XKR9: variants seen among roughly 807,000 people sequenced by gnomAD.
XKR9 encodes XK related 9, also known as XK-related protein 9.
A neutral mutation model predicts 32.0 loss-of-function variants in XKR9; 32 were observed. The observed-to-expected ratio is 1.00, with a 90% CI of 0.76 to 1.34. The LOEUF is 1.34. Ranked by LOEUF, XKR9 falls within the 40% of genes most tolerant of loss-of-function variation. The pLI is 0.00. For synonymous variants in XKR9, 168 were observed against 143.4 expected (o/e 1.17, Z -1.22); for missense variants, 546 against 429.7 (o/e 1.27, Z -2.39).
chr8:71,041,646 G>A, the XKR9 span, among the ~76,000 whole-genome samples: 2 of 152,156 alleles, frequency 1.3e-5, no homozygotes, highest in Non-Finnish European at 2.9e-5. Context: ...GATCATTTGA[G>A]TGGTTTCCTT....
chr8:70,732,578 A>G lies in XKR9; in HGVS notation c.494-1218A>G, dbSNP rs1013008866. ...CCCAGTGGGTTCACCTTGCTGCTGC[A>G]TGGACAGAATCAATTTATCATGATG... On this transcript the variant is annotated intron_variant, in intron 4 of 4. Coordinates refer to ENST00000408926, the MANE Select transcript of XKR9 (RefSeq NM_001011720.2). 3.9e-5 allele frequency among the ~76,000 whole-genome samples: 6 copies of G among 152,354 alleles called. No individual in the cohort carries two copies. In the South Asian group the frequency reaches 8.3e-4, roughly 21 times the overall value.
chr8:70,985,862 T>C, the XKR9 span, among the ~76,000 whole-genome samples: 3 of 152,230 alleles, frequency 2.0e-5, no homozygotes, highest in Admixed American at 2.0e-4. Flanking sequence ...ATGGAAGTAA[T>C]CTATAATTCT....
chr8:70,952,290 T>C, the XKR9 span, among the ~76,000 whole-genome samples: 2 of 152,214 alleles, frequency 1.3e-5, no homozygotes, highest in African/African-American at 4.8e-5. Context: ...CTCCACATGG[T>C]GTGATGCTTC....
intron 2 of XKR9, among the ~76,000 whole-genome samples, chr8:70,746,443 T>C (rs953881897): frequency 5.4e-5 from 8 of 147,806 alleles, no homozygotes; most frequent in Non-Finnish European, 8.9e-5. Context: ...TAGAAATATA[T>C]AATGTATAAA....
the XKR9 span, among the ~76,000 whole-genome samples, chr8:71,053,243 A>G: frequency 6.6e-6 from 1 of 152,214 alleles, no homozygotes; most frequent in Non-Finnish European, 1.5e-5. Context: ...TTGTGTGTGC[A>G]CACAGGCATG....
At chr8:70,891,413 G>C in the XKR9 span, among the ~76,000 whole-genome samples, 1 of 151,754 alleles carries the variant, frequency 6.6e-6, no homozygotes, top group East Asian at 1.9e-4. Context: ...CTACTTTTTT[G>C]ATGTAGGCAT....
At chr8:71,019,235 C>T in the XKR9 span, among the ~76,000 whole-genome samples, 1 of 151,774 alleles carries the variant, frequency 6.6e-6, no homozygotes, top group African/African-American at 2.4e-5. Flanking sequence ...GGTTAAGAAA[C>T]TTGAGGTCTG....
At chr8:70,698,802 A>AT (rs1224236206) in intron 3 of XKR9, among the ~76,000 whole-genome samples, 1 of 152,014 alleles carries the variant, frequency 6.6e-6, no homozygotes, top group African/African-American at 2.4e-5. Context: ...GTCTCCCATT[A>AT]TTATTGTGTG....
At chr8:70,923,715 T>A in the XKR9 span, among the ~76,000 whole-genome samples, 135 of 152,362 alleles carry the variant, frequency 8.9e-4, no homozygotes, top group Non-Finnish European at 1.5e-3. Flanking sequence ...GCACTTTTAG[T>A]GTCTGGCTAA....
chr8:70,814,127 G>A, the XKR9 span, among the ~76,000 whole-genome samples: 7 of 152,114 alleles, frequency 4.6e-5, no homozygotes, highest in Admixed American at 4.6e-4. Flanking sequence ...AAAATGAAGA[G>A]TTCATGTCCT....
chr8:70,838,210 A>G, the XKR9 span, among the ~76,000 whole-genome samples: 1 of 152,142 alleles, frequency 6.6e-6, no homozygotes, highest in Non-Finnish European at 1.5e-5. Context: ...ACTATGCACC[A>G]TATCCAGTGC....
downstream of XKR9, among the ~76,000 whole-genome samples, chr8:70,737,586 TATG>T (rs1806887852): frequency 1.1e-5 from 1 of 95,016 alleles, no homozygotes; most frequent in African/African-American, 3.2e-5. Flanking sequence ...GCCCATTCAG[TATG>T]ATATTGGCTG....
chr8:70,921,078 C>G, the XKR9 span, among the ~76,000 whole-genome samples: 17,450 of 152,228 alleles, frequency 0.11, 1,188 homozygotes, highest in African/African-American at 0.19. Context: ...AAGTTCCATA[C>G]TTAATAAATG....
the XKR9 span, among the ~76,000 whole-genome samples, chr8:70,828,652 G>A: frequency 6.6e-6 from 1 of 151,382 alleles, no homozygotes; most frequent in African/African-American, 2.4e-5. Context: ...GAACCCAGGA[G>A]GTGGAGGTTG....
chr8:71,006,334 A>AT, the XKR9 span, among the ~76,000 whole-genome samples: 127 of 69,284 alleles, frequency 1.8e-3, no homozygotes, highest in East Asian at 7.1e-3. Context: ...TTTAAAAAAG[A>AT]TTTTTTTTTT....
intron 2 of XKR9, among the ~76,000 whole-genome samples, chr8:70,768,429 A>T (rs1359075472): frequency 6.6e-6 from 1 of 152,192 alleles, no homozygotes; most frequent in Admixed American, 6.5e-5. Context: ...GTAGATGTCT[A>T]TTAGGTCCTC....
the XKR9 span, among the ~76,000 whole-genome samples, chr8:70,813,175 A>C: frequency 6.6e-6 from 1 of 152,258 alleles, no homozygotes; most frequent in African/African-American, 2.4e-5. Context: ...CCAACTTGAC[A>C]AAAACAAGCA....
At chr8:70,897,012 C>A in the XKR9 span, among the ~76,000 whole-genome samples, 15 of 152,012 alleles carry the variant, frequency 9.9e-5, no homozygotes, top group African/African-American at 3.1e-4. Flanking sequence ...GACCATCCCC[C>A]CTTCTTCTTC....
chr8:70,925,284 T>C, the XKR9 span, among the ~76,000 whole-genome samples: 3 of 152,124 alleles, frequency 2.0e-5, no homozygotes, highest in East Asian at 3.9e-4. Context: ...AAATGGGCCC[T>C]CAATAGCATA....
Sources: gnomAD v4.1 joint callset for allele counts (sites outside exome capture counted in the v4.1 genomes callset) on GRCh38, gnomAD v4.1.1 for gene constraint, MANE v1.5 for transcripts, NCBI Gene and HGNC (gene_info 2026-07-23, HGNC 2026-07-21) for gene names.